Variants in PLXDC2 observed in about 807,000 individuals in gnomAD.
The protein encoded by PLXDC2 is plexin domain containing 2.
Under a neutral mutation model 68.9 loss-of-function variants are expected in PLXDC2, and 40 were observed. The observed-to-expected ratio is 0.58, with a 90% CI of 0.45 to 0.76. PLXDC2 has a LOEUF of 0.76. PLXDC2 is among the 30% of genes least tolerant of loss of function. PLXDC2 has a pLI of 0.00. For missense variants in PLXDC2, 644 were observed against 661.9 expected, an observed-to-expected ratio of 0.97 and a Z score of 0.30; for synonymous variants, 243 against 234.2, an observed-to-expected ratio of 1.04 and a Z score of -0.34.
rs1287195089 is a variant in PLXDC2 at position 20,289,033 on chromosome 10, G to A, written c.*9214G>A. 1 of 152,156 alleles carries A rather than the reference G, an allele frequency of 6.6e-6. No homozygotes were observed. The highest frequency in any genetic ancestry group is 1.5e-5 in the Non-Finnish European group (1 of 68,030). 9.4% of individuals were successfully genotyped at this position (152,156 alleles called of 1,614,324 possible). The stretch of plus-strand genomic sequence containing the variant: ...TGACTACATATTAAAAACAGTAAAT[G>A]AGCATTTTGTTTTAATTTCTTAAAT... On this transcript the variant is annotated 3_prime_UTR_variant, in exon 14 of 14. Coordinates refer to ENST00000377252, the MANE Select transcript of PLXDC2 (RefSeq NM_032812.9).
chr10:19,884,907 A>G (rs547769312), intron 1 of PLXDC2, among the ~76,000 whole-genome samples: 288 of 152,286 alleles, frequency 1.9e-3, no homozygotes, highest in Middle Eastern at 0.014. Flanking sequence ...TTCTAGTTCT[A>G]GATCCCTGAG....
At chr10:19,958,905 T>A (rs1834112830) in intron 1 of PLXDC2, among the ~76,000 whole-genome samples, 1 of 152,226 alleles carries the variant, frequency 6.6e-6, no homozygotes, top group South Asian at 2.1e-4. Context: ...AGTTTGCCAA[T>A]GCTGTCTAGG....
At chr10:19,923,580 A>T (rs1177223679) in intron 1 of PLXDC2, among the ~76,000 whole-genome samples, 2 of 152,244 alleles carry the variant, frequency 1.3e-5, no homozygotes, top group Non-Finnish European at 2.9e-5. Flanking sequence ...GAGGCAATTA[A>T]GGATAATTTA....
intron 7 of PLXDC2, among the ~76,000 whole-genome samples, chr10:20,170,272 C>G (rs768996703): frequency 6.6e-6 from 1 of 152,138 alleles, no homozygotes; most frequent in Non-Finnish European, 1.5e-5. Flanking sequence ...CTCACTGCAA[C>G]CTCCCCCTCC....
rs1404396925 is a variant in PLXDC2 at position 20,153,990 on chromosome 10, C to T, written c.783+6088C>T. On this transcript the variant is annotated intron_variant, in intron 6 of 13. Transcript: ENST00000377252. ...ATTTGGGAGCAAAGGTAAGGTTTGC[C>T]TATCCACAGCATTTATCTTATTAAT... 2.0e-5 allele frequency among the ~76,000 whole-genome samples: 3 copies of T among 152,148 alleles called. No individual in the cohort carries two copies. The East Asian group carries it at 5.8e-4, about 29-fold the overall frequency.
intron 4 of PLXDC2, among the ~76,000 whole-genome samples, chr10:20,083,614 A>G (rs1589621097): frequency 6.6e-6 from 1 of 152,272 alleles, no homozygotes; most frequent in Admixed American, 6.5e-5. Context: ...GCATCTTGTA[A>G]TATGTATTTG....
chr10:20,026,206 A>G (rs1281508930), intron 2 of PLXDC2, among the ~76,000 whole-genome samples: 1 of 150,106 alleles, frequency 6.7e-6, no homozygotes, highest in Non-Finnish European at 1.5e-5. Context: ...AACTATAAGC[A>G]GCATAAATGC....
chr10:20,120,362 A>T (rs558211202), intron 4 of PLXDC2, among the ~76,000 whole-genome samples: 16 of 152,242 alleles, frequency 1.1e-4, no homozygotes, highest in African/African-American at 3.8e-4. Flanking sequence ...GAGCTTGGTG[A>T]GGTGTGTTTT....
intron 12 of PLXDC2, among the ~76,000 whole-genome samples, chr10:20,230,582 G>A (rs1835347749): frequency 6.6e-6 from 1 of 150,392 alleles, no homozygotes; most frequent in South Asian, 2.1e-4. Flanking sequence ...TGAGGTGGGA[G>A]GATCTCCTGA....
Position 20,245,333 on chromosome 10 carries a change from A to G in PLXDC2, c.1313-12A>G, listed in dbSNP as rs767048247. On this transcript the variant is annotated splice_polypyrimidine_tract_variant and intron_variant, in intron 12 of 13. Coordinates refer to ENST00000377252, the MANE Select transcript of PLXDC2 (RefSeq NM_032812.9). The stretch of plus-strand genomic sequence containing the variant: ...ACTCATGAAGGTCCTGACAGCTGGG[A>G]TGTTCTTTCAGCTTCTACAGATGAC... 2.4e-5 allele frequency: 39 copies of G among 1,604,426 alleles called. No individual in the cohort carries two copies. The highest frequency in any genetic ancestry group is 1.7e-4 in the Middle Eastern group (1 of 6,024).
intron 13 of PLXDC2, among the ~76,000 whole-genome samples, chr10:20,250,080 C>T (rs138250230): frequency 6.6e-6 from 1 of 152,032 alleles, no homozygotes; most frequent in African/African-American, 2.4e-5. Flanking sequence ...CCAGTTTGAC[C>T]AACATGGTGA....
intron 2 of PLXDC2, among the ~76,000 whole-genome samples, chr10:20,042,694 C>T (rs1835704035): frequency 6.6e-6 from 1 of 152,100 alleles, no homozygotes; most frequent in Non-Finnish European, 1.5e-5. Context: ...CATTACCCCT[C>T]ATAAAGTCAA....
intron 9 of PLXDC2, among the ~76,000 whole-genome samples, chr10:20,184,491 G>C (rs939154038): frequency 2.0e-5 from 3 of 151,182 alleles, no homozygotes; most frequent in Non-Finnish European, 4.4e-5. Context: ...CAGAAATGTT[G>C]GCTAATTGGT....
chr10:19,918,548 A>G (rs1833407488), intron 1 of PLXDC2, among the ~76,000 whole-genome samples: 2 of 152,212 alleles, frequency 1.3e-5, no homozygotes, highest in South Asian at 4.1e-4. Flanking sequence ...AATCGATGCA[A>G]CTATTTTGTA....
intron 4 of PLXDC2, among the ~76,000 whole-genome samples, chr10:20,073,908 T>C (rs981165014): frequency 7.9e-5 from 12 of 152,198 alleles, no homozygotes; most frequent in African/African-American, 1.2e-4. Context: ...ATCAAATAGC[T>C]ATCACTAGGA....
At chr10:20,064,194 A>G (rs146129264) in intron 3 of PLXDC2, among the ~76,000 whole-genome samples, 39 of 150,588 alleles carry the variant, frequency 2.6e-4, no homozygotes, top group African/African-American at 9.3e-4. Context: ...TGTAGTAATT[A>G]CACCATTGTT....
intron 4 of PLXDC2, among the ~76,000 whole-genome samples, chr10:20,073,868 G>A (rs1836384499): frequency 6.6e-6 from 1 of 152,008 alleles, no homozygotes; most frequent in African/African-American, 2.4e-5. Flanking sequence ...GTTCAAAAAT[G>A]TAGATTTAAG....
chr10:20,217,439 T>C lies in PLXDC2; in HGVS notation c.1136T>C (p.Met379Thr), dbSNP rs775762840. The C allele has an allele frequency of 1.9e-6, 3 of 1,611,008 alleles. No individual in the cohort carries two copies. The highest frequency in any genetic ancestry group is 1.1e-5 in the South Asian group (1 of 90,622). ...SGCPEESKEKMCENTEPVETS... is the reference protein window; with the variant it reads ...SGCPEESKEKTCENTEPVETS... The stretch of plus-strand genomic sequence containing the variant: ...TTCTCTTACTAGTCAAAAGAGAAGA[T>C]GTGTGAGAATACAGAACCAGTGGAA... The change falls in exon 11 of 14, where the codon ATG (methionine) becomes ACG (threonine). Residue 379 changes from methionine to threonine, a missense_variant. Met to Thr is a moderately conservative substitution (Grantham distance 81). Transcript: ENST00000377252.
chr10:20,188,460 C>G (rs187283891), intron 9 of PLXDC2, among the ~76,000 whole-genome samples: 88 of 151,836 alleles, frequency 5.8e-4, no homozygotes, highest in Non-Finnish European at 9.9e-4. Context: ...CTACAGCTCA[C>G]TAAAGATTCA....
Sources: allele counts gnomAD v4.1 joint callset (sites outside exome capture counted in the v4.1 genomes callset), GRCh38; gene constraint gnomAD v4.1.1; transcripts MANE v1.5; gene names NCBI Gene and HGNC (gene_info 2026-07-23, HGNC 2026-07-21).